AMBRA1: variants seen among roughly 807,000 people sequenced by gnomAD.
AMBRA1 encodes activating molecule in BECN1-regulated autophagy protein 1.
AMBRA1 carries 47 observed loss-of-function variants against 125.4 expected under a neutral mutation model. That is an observed-to-expected ratio of 0.37 (90% CI 0.30 to 0.48). The LOEUF is 0.48. Ranked by LOEUF, AMBRA1 falls within the 20% of genes least tolerant of loss-of-function variation. The pLI is 0.99. For synonymous variants in AMBRA1, 626 were observed against 655.5 expected, an observed-to-expected ratio of 0.95 and a Z score of 0.69; for missense variants, 1,331 against 1,693.4, an observed-to-expected ratio of 0.79 and a Z score of 3.76.
chr11:46,460,166 A>G (rs1246850453), intron 11 of AMBRA1, among the ~76,000 whole-genome samples: 1 of 152,242 alleles, frequency 6.6e-6, no homozygotes, highest in African/African-American at 2.4e-5. Context: ...ATGTTCATCA[A>G]TCGGGAACAG....
intron 1 of AMBRA1, among the ~76,000 whole-genome samples, chr11:46,552,093 G>A (rs1431821477): frequency 6.6e-6 from 1 of 151,334 alleles, no homozygotes; most frequent in African/African-American, 2.4e-5. Context: ...ATGAGGCCAG[G>A]CATGGTGGCT....
intron 1 of AMBRA1, among the ~76,000 whole-genome samples, chr11:46,579,478 A>C (rs139640359): frequency 2.7e-4 from 41 of 152,280 alleles, no homozygotes; most frequent in Non-Finnish European, 4.3e-4. Flanking sequence ...TAAATTAAGT[A>C]AGTAAGTACA....
intron 1 of AMBRA1, among the ~76,000 whole-genome samples, chr11:46,557,742 A>G (rs1371764712): frequency 2.0e-5 from 3 of 152,196 alleles, no homozygotes; most frequent in Non-Finnish European, 4.4e-5. Context: ...CAGGAGGTCG[A>G]GGCTGCAGTG....
At position 46,547,601 on chromosome 11, in the gene AMBRA1, C is replaced by A. The variant is rs796762059; in HGVS notation, c.194+216G>T. Among the ~76,000 whole-genome samples, 4 of 152,240 alleles carry A rather than the reference C, an allele frequency of 2.6e-5. No homozygotes were observed. The South Asian group carries it at 8.3e-4, about 32-fold the overall frequency. ...AAATGATTGTTATTGAGAAACTTTC[C>A]AAGTTTTGATCCTCTCAGTTTCCTT... On this transcript the variant is annotated intron_variant, in intron 3 of 17. Coordinates refer to ENST00000683756, the MANE Select transcript of AMBRA1 (RefSeq NM_001387011.1).
intron 11 of AMBRA1, among the ~76,000 whole-genome samples, chr11:46,468,671 G>C (rs986486874): frequency 6.6e-6 from 1 of 151,858 alleles, no homozygotes; most frequent in Non-Finnish European, 1.5e-5. Context: ...AAATAGCCGG[G>C]TGTGGTGGCG....
chr11:46,586,015 G>T (rs1159200848), intron 1 of AMBRA1, among the ~76,000 whole-genome samples: 1 of 151,612 alleles, frequency 6.6e-6, no homozygotes, highest in Admixed American at 6.6e-5. Context: ...CGTTGGTCAG[G>T]CTGGTCATGA....
chr11:46,494,541 G>T (rs1340316448), intron 9 of AMBRA1: 2 of 187,088 alleles, frequency 1.1e-5, no homozygotes, highest in Admixed American at 1.1e-4. Context: ...AAAGATGCAA[G>T]AAAAATGTGT....
In AMBRA1 at chr11:46,433,063, T is replaced by C. The variant is rs551822130; in HGVS notation, c.2976+411A>G. On this transcript the variant is annotated intron_variant, in intron 14 of 17. Coordinates refer to ENST00000683756, the MANE Select transcript of AMBRA1 (RefSeq NM_001387011.1). Reference sequence around the variant, plus strand: ...AAGTCTTCATCTTCCATCATAATTATAACCCACAGAAAAAAAACATTTCAT... The same window carrying C: ...AAGTCTTCATCTTCCATCATAATTACAACCCACAGAAAAAAAACATTTCAT... Among the ~76,000 whole-genome samples, 225 of 152,320 alleles carry C rather than the reference T, an allele frequency of 1.5e-3. 1 individual carries two copies. The highest frequency in any genetic ancestry group is 2.9e-3 in the Non-Finnish European group (200 of 68,028).
At chr11:46,528,347 T>C (rs1224840854) in intron 7 of AMBRA1, among the ~76,000 whole-genome samples, 1 of 152,124 alleles carries the variant, frequency 6.6e-6, no homozygotes, top group Non-Finnish European at 1.5e-5. Flanking sequence ...AGTTTTGTAT[T>C]TTTAGTACAA....
chr11:46,584,086 C>T (rs1448936212), intron 1 of AMBRA1, among the ~76,000 whole-genome samples: 2 of 142,508 alleles, frequency 1.4e-5, no homozygotes, highest in African/African-American at 5.3e-5. Flanking sequence ...ATGTTTATTG[C>T]GGCACTATTC....
intron 14 of AMBRA1, among the ~76,000 whole-genome samples, chr11:46,422,334 G>T (rs536203672): frequency 2.0e-5 from 3 of 152,252 alleles, no homozygotes; most frequent in East Asian, 1.9e-4. Flanking sequence ...CTAGAAAGAA[G>T]AAATTTCTTA....
chr11:46,454,260 C>T (rs2136804554), intron 11 of AMBRA1, among the ~76,000 whole-genome samples: 1 of 151,836 alleles, frequency 6.6e-6, no homozygotes, highest in East Asian at 2.0e-4. Context: ...AACTCCTGGG[C>T]TCAAGTGATC....
chr11:46,503,077 A>T (rs1309301847), intron 9 of AMBRA1, among the ~76,000 whole-genome samples: 6 of 151,662 alleles, frequency 4.0e-5, no homozygotes, highest in Non-Finnish European at 5.9e-5. Context: ...AAAAAAAAAA[A>T]AAAAAAAAAA....
chr11:46,459,694 G>C (rs945285604), intron 11 of AMBRA1, among the ~76,000 whole-genome samples: 1 of 149,616 alleles, frequency 6.7e-6, no homozygotes, highest in African/African-American at 2.5e-5. Flanking sequence ...CTGGGCAACA[G>C]AGCAAGACTC....
At chr11:46,547,416 G>C in intron 3 of AMBRA1, 120 bp from the exon 4 acceptor site, 1 of 876,518 alleles carries the variant, frequency 1.1e-6, no homozygotes, top group Admixed American at 2.9e-5. Flanking sequence ...AAGAAACTAA[G>C]CTTTGTATGT....
At chr11:46,401,981 GTACCC>G (rs1403154593) in intron 17 of AMBRA1, among the ~76,000 whole-genome samples, 7 of 152,110 alleles carry the variant, frequency 4.6e-5, no homozygotes, top group African/African-American at 1.7e-4. Context: ...ATTCCTGCAG[GTACCC>G]GGCAGCCCTG....
intron 12 of AMBRA1, among the ~76,000 whole-genome samples, chr11:46,436,057 AC>A (rs1947699899): frequency 6.6e-6 from 1 of 152,178 alleles, no homozygotes; most frequent in Non-Finnish European, 1.5e-5. Flanking sequence ...ATGTAGATAT[AC>A]CTCAAGCAAA....
intron 8 of AMBRA1, among the ~76,000 whole-genome samples, chr11:46,509,206 A>C (rs193089758): frequency 2.6e-5 from 4 of 152,338 alleles, no homozygotes; most frequent in African/African-American, 4.8e-5. Flanking sequence ...TACATTCTTC[A>C]AACTACGGCT....
chr11:46,443,287 T>G (rs1291455319), intron 12 of AMBRA1, among the ~76,000 whole-genome samples: 1 of 152,186 alleles, frequency 6.6e-6, no homozygotes, highest in African/African-American at 2.4e-5. Context: ...AATCCAGATC[T>G]TAATAGACTT....
Sources: gnomAD v4.1 joint callset for allele counts (sites outside exome capture counted in the v4.1 genomes callset) on GRCh38, gnomAD v4.1.1 for gene constraint, MANE v1.5 for transcripts, NCBI Gene and HGNC (gene_info 2026-07-23, HGNC 2026-07-21) for gene names.